ALMS1: variants seen among roughly 807,000 people sequenced by gnomAD.
ALMS1 encodes centrosome-associated protein ALMS1.
ALMS1 carries 271 observed loss-of-function variants against 352.2 expected under a neutral mutation model. The ratio of observed to expected loss-of-function variants is 0.77; its 90% CI spans 0.70 to 0.85. The LOEUF is 0.85. Ranked by LOEUF, ALMS1 falls within the 40% of genes least tolerant of loss-of-function variation. The probability of loss-of-function intolerance (pLI) is 0.00; values close to 1 mark genes in which losing one functional copy is unlikely to be tolerated. For synonymous variants in ALMS1, 1,865 were observed against 1,761.2 expected, an observed-to-expected ratio of 1.06 and a Z score of -1.48; for missense variants, 5,445 against 4,870.7, an observed-to-expected ratio of 1.12 and a Z score of -3.51.
Position 73,534,855 on chromosome 2 carries a change from T to C in ALMS1, c.9813T>C (p.Ser3271=). 6.2e-7 allele frequency: 1 copy of C among 1,613,764 alleles called. No individual in the cohort carries two copies. The highest frequency in any genetic ancestry group is 8.5e-7 in the Non-Finnish European group (1 of 1,179,700). Residue 3271 remains serine (S), a synonymous_variant, in exon 12 of 23, where the codon TCT becomes TCC. Coordinates refer to ENST00000613296, the MANE Select transcript of ALMS1 (RefSeq NM_001378454.1). The part of the protein sequence containing the change: ...GQPLLLPYKP[S]GSTKMYYVPQ... ...CTTTATTATTGCCATATAAGCCTTC[T>C]GGTAGTACCAAGATGTATTATGTTC...
chr2:73,454,446 T>TC, intron 8 of ALMS1: 1 of 900,482 alleles, frequency 1.1e-6, no homozygotes. Flanking sequence ...GTATCCTTAT[T>TC]CTGAAGGCAG....
intron 12 of ALMS1, among the ~76,000 whole-genome samples, chr2:73,542,199 C>G (rs1674199699): frequency 6.6e-6 from 1 of 152,182 alleles, no homozygotes; most frequent in African/African-American, 2.4e-5. Flanking sequence ...CCCTGGGATG[C>G]AAGGCTGGTT....
At position 73,491,295 on chromosome 2, in the gene ALMS1, A is replaced by T. The variant is rs1558667820; in HGVS notation, c.9336A>T (p.Glu3112Asp). 1 of 1,614,188 alleles carries T rather than the reference A, an allele frequency of 6.2e-7. No individual in the cohort carries two copies. Among genetic ancestry groups the T allele is most frequent in the Non-Finnish European group, 8.5e-7 (1 of 1,180,024 alleles). ...GTAAACCTGTAGCACAGGATCAAGA[A>T]TCTTTAGGTTTTCTAGGACCTAAAT... The part of the protein sequence containing the change: ...LTSKPVAQDQ[E>D]SLGFLGPKSS... The change falls in exon 10 of 23, where the codon GAA becomes GAT. Residue 3112 changes from glutamate (E) to aspartate (D), a missense_variant. Transcript: ENST00000613296.
rs777224319 is a variant in ALMS1, at chr2:73,490,275, A to T, written c.8316A>T (p.Ser2772=). ...RDLKQKTSSP[S]SFKMHSNSQD... is the part of the protein sequence containing the mutation. ...TTAAACAGAAAACCTCTTCCCCTTCATCATTTAAAATGCATAGTAATTCAC... is the reference window on the plus strand; with the variant it reads ...TTAAACAGAAAACCTCTTCCCCTTCTTCATTTAAAATGCATAGTAATTCAC... The change falls in exon 10 of 23, where the codon TCA becomes TCT. Residue 2772 remains serine (S), a synonymous_variant. Transcript: ENST00000613296. 1.9e-6 allele frequency: 3 copies of T among 1,613,812 alleles called. No individual in the cohort carries two copies. Among genetic ancestry groups the T allele is most frequent in the Non-Finnish European group, 2.5e-6 (3 of 1,179,934 alleles).
intron 13 of ALMS1, among the ~76,000 whole-genome samples, chr2:73,550,936 G>A (rs1360937297): frequency 6.6e-6 from 1 of 151,968 alleles, no homozygotes; most frequent in Non-Finnish European, 1.5e-5. Flanking sequence ...TGAACTCCTG[G>A]ACTCCAGTGA....
chr2:73,385,978 T>G lies in ALMS1; in HGVS notation c.110T>G (p.Val37Gly), dbSNP rs762403314. The change falls in exon 1 of 23, where the codon GTG becomes GGG. Residue 37 changes from valine to glycine, a missense_variant. Coordinates refer to ENST00000613296, the MANE Select transcript of ALMS1 (RefSeq NM_001378454.1). ...GCTGCAGCGGCGGCGGCGGCGAACG[T>G]GGACGACGTAGTGGTCGTGGAGGAG... is the stretch of plus-strand genomic sequence containing the variant. The part of the protein sequence containing the change: ...EEAAAAAAAN[V>G]DDVVVVEEVE... 1.9e-6 allele frequency: 3 copies of G among 1,541,970 alleles called. No homozygotes were observed. The highest frequency in any genetic ancestry group is 2.6e-6 in the Non-Finnish European group (3 of 1,140,380).
intron 10 of ALMS1, among the ~76,000 whole-genome samples, chr2:73,491,871 C>T (rs1159536177): frequency 2.0e-5 from 3 of 152,164 alleles, no homozygotes; most frequent in African/African-American, 7.2e-5. Context: ...GTCACTCTCT[C>T]TCCCGCTCTC....
chr2:73,564,047 T>C (rs1406698683), intron 15 of ALMS1, among the ~76,000 whole-genome samples: 1 of 151,874 alleles, frequency 6.6e-6, no homozygotes, highest in Non-Finnish European at 1.5e-5. Flanking sequence ...TGTGGCTGTG[T>C]GTGTGTGTCT....
chr2:73,491,640 T>C, intron 10 of ALMS1, 142 bp downstream of exon 10: 1 of 877,842 alleles, frequency 1.1e-6, no homozygotes, highest in South Asian at 1.5e-5. Context: ...ACTAGAAGTC[T>C]TTCAAGGAAT....
intron 15 of ALMS1, among the ~76,000 whole-genome samples, chr2:73,565,063 A>C (rs1038515132): frequency 2.6e-5 from 4 of 152,226 alleles, no homozygotes; most frequent in Non-Finnish European, 4.4e-5. Context: ...TCTCTGAAGA[A>C]ACTTCAACCC....
chr2:73,598,820 A>C (rs1675607906), intron 16 of ALMS1, among the ~76,000 whole-genome samples: 1 of 152,230 alleles, frequency 6.6e-6, no homozygotes, highest in Non-Finnish European at 1.5e-5. Context: ...TCATCCACCG[A>C]CATTCCACCA....
chr2:73,509,626 C>G (rs1295063817), intron 10 of ALMS1, among the ~76,000 whole-genome samples: 1 of 152,306 alleles, frequency 6.6e-6, no homozygotes, highest in East Asian at 1.9e-4. Context: ...GCCAAGAGAT[C>G]TGCTGTTAGT....
chr2:73,568,995 C>CTTTTTTTTTTT lies in ALMS1; in HGVS notation c.10385-3240_10385-3230dup, dbSNP rs747436819. Among the ~76,000 whole-genome samples, 82 of 53,554 alleles carry CTTTTTTTTTTT rather than the reference C, an allele frequency of 1.5e-3. 29 individuals carry two copies. Among genetic ancestry groups the CTTTTTTTTTTT allele is most frequent in the East Asian group, 2.0e-3 (4 of 1,976 alleles). 35.1% of individuals were successfully genotyped at this position (53,554 alleles called of 152,430 possible). ...AGCTTGCTTGCTGCTGCTTCTGCTTCTTTTTTTTTTTTTTTTTTTTTTTTT... is the reference window on the plus strand; with the variant it reads ...AGCTTGCTTGCTGCTGCTTCTGCTTCTTTTTTTTTTTTTTTTTTTTTTTTTTTTTTTTTTTT... On this transcript the variant is annotated intron_variant, in intron 15 of 22. Transcript: ENST00000613296.
intron 9 of ALMS1, among the ~76,000 whole-genome samples, chr2:73,456,282 T>C (rs1161107009): frequency 6.6e-6 from 1 of 152,154 alleles, no homozygotes; most frequent in African/African-American, 2.4e-5. Flanking sequence ...TTTCACACAG[T>C]GTTAGGGTTT....
In ALMS1 at chr2:73,490,050, T is replaced by G; in HGVS notation, c.8091T>G (p.His2697Gln). Reference protein sequence around the residue: ...AFVPPKEVDFHSSSQMPSPEP... With the variant: ...AFVPPKEVDFQSSSQMPSPEP... ...TGCCACCTAAAGAAGTGGATTTTCA[T>G]TCTTCATCACAAATGCCGTCCCCAG... The change falls in exon 10 of 23, where the codon CAT (histidine) becomes CAG (glutamine). Residue 2697 changes from histidine (H) to glutamine (Q), a missense_variant. His to Gln is a conservative substitution (Grantham distance 24). Coordinates refer to ENST00000613296, the MANE Select transcript of ALMS1 (RefSeq NM_001378454.1). 6.2e-7 allele frequency: 1 copy of G among 1,614,228 alleles called. No homozygotes were observed. The highest frequency in any genetic ancestry group is 8.5e-7 in the Non-Finnish European group (1 of 1,180,040).
intron 2 of ALMS1, among the ~76,000 whole-genome samples, chr2:73,413,440 GCCTTGGC>G (rs1185059783): frequency 6.6e-6 from 1 of 152,066 alleles, no homozygotes. Context: ...GGGTTTCTCA[GCCTTGGC>G]ACTATTGACA....
chr2:73,448,020 C>T lies in ALMS1; in HGVS notation c.1493C>T (p.Thr498Ile). ...CAATCCAACTTGAAGTCAGGCATCA[C>T]TACCACTCCTGTTGATTCAGACATT... ...VTQSNLKSGITTTPVDSDIGS... is the reference protein window; with the variant it reads ...VTQSNLKSGIITTPVDSDIGS... The change falls in exon 8 of 23, where the codon ACT (threonine) becomes ATT (isoleucine). Residue 498 changes from threonine to isoleucine, a missense_variant. Thr to Ile is a moderately conservative substitution (Grantham distance 89). Transcript: ENST00000613296. 1 of 1,613,896 alleles carries T rather than the reference C, an allele frequency of 6.2e-7. No individual in the cohort carries two copies. The highest frequency in any genetic ancestry group is 8.5e-7 in the Non-Finnish European group (1 of 1,179,856).
intron 11 of ALMS1, among the ~76,000 whole-genome samples, chr2:73,521,698 C>T (rs929267537): frequency 2.6e-5 from 4 of 151,498 alleles, no homozygotes; most frequent in Admixed American, 2.6e-4. Context: ...TGCAGTGAGC[C>T]GAGATCGTGC....
chr2:73,485,415 G>C (rs1356082980), intron 9 of ALMS1, among the ~76,000 whole-genome samples: 2 of 152,240 alleles, frequency 1.3e-5, no homozygotes, highest in African/African-American at 4.8e-5. Context: ...ACCCACTTGA[G>C]GAGGCAGTCT....
Sources: allele counts gnomAD v4.1 joint callset (sites outside exome capture counted in the v4.1 genomes callset), GRCh38; gene constraint gnomAD v4.1.1; transcripts MANE v1.5; gene names NCBI Gene and HGNC (gene_info 2026-07-23, HGNC 2026-07-21).